Variants in PRMT3 observed in about 807,000 individuals in gnomAD.
The protein encoded by PRMT3 is protein arginine N-methyltransferase 3.
PRMT3 carries 62 observed loss-of-function variants against 71.9 expected under a neutral mutation model. The observed-to-expected ratio is 0.86, with a 90% CI of 0.70 to 1.07. The LOEUF (loss-of-function observed/expected upper bound fraction) is 1.07, where lower values mean the gene tolerates loss of function less well. PRMT3 is among the 50% of genes least tolerant of loss of function. The pLI is 0.00. For missense variants in PRMT3, 663 were observed against 643.0 expected (o/e 1.03, Z -0.34); for synonymous variants, 213 against 220.4 (o/e 0.97, Z 0.30).
chr11:20,417,963 A>G (rs1849344837), intron 9 of PRMT3, among the ~76,000 whole-genome samples: 2 of 152,034 alleles, frequency 1.3e-5, no homozygotes, highest in South Asian at 4.1e-4. Context: ...TCTCTCTTAG[A>G]CCATACCCGT....
chr11:20,474,938 A>T (rs2896604), intron 13 of PRMT3, among the ~76,000 whole-genome samples: 1 of 152,202 alleles, frequency 6.6e-6, no homozygotes, highest in African/African-American at 2.4e-5. Flanking sequence ...AATAATTTTA[A>T]ACTTTTCTAA....
chr11:20,479,479 C>T (rs1273104263), intron 13 of PRMT3, among the ~76,000 whole-genome samples: 2 of 152,048 alleles, frequency 1.3e-5, no homozygotes, highest in East Asian at 3.9e-4. Flanking sequence ...AATTATTGAA[C>T]ATTTGGTTAC....
chr11:20,459,636 C>G (rs948883772), intron 11 of PRMT3, among the ~76,000 whole-genome samples: 1 of 152,170 alleles, frequency 6.6e-6, no homozygotes, highest in Non-Finnish European at 1.5e-5. Flanking sequence ...TATTATGTTC[C>G]TCTTTAATGA....
At chr11:20,404,481 C>T (rs1274239579) in intron 8 of PRMT3, among the ~76,000 whole-genome samples, 1 of 151,812 alleles carries the variant, frequency 6.6e-6, no homozygotes, top group African/African-American at 2.4e-5. Flanking sequence ...ATCCGCCCGC[C>T]TCGGCCTCCC....
At chr11:20,438,920 G>C (rs2133368853) in intron 10 of PRMT3, among the ~76,000 whole-genome samples, 1 of 152,264 alleles carries the variant, frequency 6.6e-6, no homozygotes, top group African/African-American at 2.4e-5. Flanking sequence ...GTGGGAGAGG[G>C]GTAGGTGGAG....
At chr11:20,499,158 A>G (rs1851400128) in intron 15 of PRMT3, among the ~76,000 whole-genome samples, 2 of 152,296 alleles carry the variant, frequency 1.3e-5, no homozygotes, top group African/African-American at 4.8e-5. Context: ...TAATGATAAA[A>G]TAGAAATATT....
chr11:20,433,730 C>A (rs1039121054), intron 10 of PRMT3, among the ~76,000 whole-genome samples: 2 of 152,242 alleles, frequency 1.3e-5, no homozygotes, highest in South Asian at 2.1e-4. Flanking sequence ...AAGCAATTCT[C>A]CAACCTCGGC....
chr11:20,479,267 C>T (rs1212314608), intron 13 of PRMT3, among the ~76,000 whole-genome samples: 1 of 152,114 alleles, frequency 6.6e-6, no homozygotes, highest in African/African-American at 2.4e-5. Flanking sequence ...TTCGTTTATT[C>T]TCAGGAAACG....
At chr11:20,442,089 G>A (rs185612705) in intron 10 of PRMT3, among the ~76,000 whole-genome samples, 4 of 152,316 alleles carry the variant, frequency 2.6e-5, no homozygotes, top group Middle Eastern at 3.4e-3. Context: ...CACTGTGCCC[G>A]GCTAGTTTCA....
At chr11:20,429,917 G>C (rs137987798) in intron 10 of PRMT3, among the ~76,000 whole-genome samples, 103 of 152,222 alleles carry the variant, frequency 6.8e-4, no homozygotes, top group Non-Finnish European at 3.7e-4. Flanking sequence ...CTAAATCCTA[G>C]AAGTCCCTAA....
chr11:20,441,122 G>A (rs2133372364), intron 10 of PRMT3, among the ~76,000 whole-genome samples: 1 of 151,658 alleles, frequency 6.6e-6, no homozygotes, highest in East Asian at 1.9e-4. Flanking sequence ...TTATGATTCA[G>A]ATTTTACTTT....
chr11:20,478,956 TAATTATTAAAAC>T (rs1211106539), intron 13 of PRMT3, among the ~76,000 whole-genome samples: 22 of 152,232 alleles, frequency 1.4e-4, no homozygotes, highest in South Asian at 6.2e-4. Context: ...CTAACGAAAC[TAATTATTAAAAC>T]AATTATTAAA....
At chr11:20,438,764 G>A (rs1430129136) in intron 10 of PRMT3, among the ~76,000 whole-genome samples, 4 of 152,250 alleles carry the variant, frequency 2.6e-5, no homozygotes, top group Admixed American at 6.5e-5. Context: ...AAATGGGGTC[G>A]TGGTTTCTCT....
intron 10 of PRMT3, among the ~76,000 whole-genome samples, chr11:20,438,441 A>G (rs1052073921): frequency 2.0e-5 from 3 of 152,208 alleles, no homozygotes; most frequent in African/African-American, 7.2e-5. Context: ...CTAAAGGCAC[A>G]GTGATGACTC....
chr11:20,451,199 G>A (rs772195668), intron 10 of PRMT3, among the ~76,000 whole-genome samples: 4 of 152,070 alleles, frequency 2.6e-5, no homozygotes, highest in Non-Finnish European at 4.4e-5. Context: ...TTTCTTGGTA[G>A]AGGATTCATT....
chr11:20,403,751 C>A (rs2133315197), intron 8 of PRMT3, among the ~76,000 whole-genome samples: 1 of 152,246 alleles, frequency 6.6e-6, no homozygotes, highest in East Asian at 1.9e-4. Flanking sequence ...CATTTATATA[C>A]CTTTCCTTGG....
At chr11:20,404,114 A>G (rs1385886876) in intron 8 of PRMT3, among the ~76,000 whole-genome samples, 1 of 150,980 alleles carries the variant, frequency 6.6e-6, no homozygotes, top group African/African-American at 2.4e-5. Flanking sequence ...CCAGAGACAA[A>G]TAAATGATTT....
chr11:20,476,786 T>C (rs1850799731), intron 13 of PRMT3, among the ~76,000 whole-genome samples: 1 of 152,072 alleles, frequency 6.6e-6, no homozygotes, highest in Non-Finnish European at 1.5e-5. Flanking sequence ...GTTTGATCCA[T>C]CTTTTTATCT....
chr11:20,500,218 G>A (rs569450521), intron 15 of PRMT3, among the ~76,000 whole-genome samples: 1 of 152,258 alleles, frequency 6.6e-6, no homozygotes, highest in South Asian at 2.1e-4. Flanking sequence ...TGCAAAACTT[G>A]TATATTTAAA....
Sources: allele counts gnomAD v4.1 joint callset (sites outside exome capture counted in the v4.1 genomes callset), GRCh38; gene constraint gnomAD v4.1.1; transcripts MANE v1.5; gene names NCBI Gene and HGNC (gene_info 2026-07-23, HGNC 2026-07-21).